The following TECTA variants were observed in gnomAD, a reference collection of about 807,000 sequenced individuals.
TECTA encodes the protein alpha-tectorin.
In TECTA, 128 loss-of-function variants were observed where a neutral mutation model predicts 216.8. That is an observed-to-expected ratio of 0.59 (90% confidence interval 0.51 to 0.68). The LOEUF (loss-of-function observed/expected upper bound fraction) is 0.68, where lower values mean the gene tolerates loss of function less well. TECTA is among the 30% of genes least tolerant of loss of function. TECTA has a pLI of 0.00. For synonymous variants in TECTA, 1,089 were observed against 1,117.1 expected (o/e 0.97, Z 0.50); for missense variants, 2,551 against 2,786.2 (o/e 0.92, Z 1.90).
In TECTA at chr11:121,130,168, T is replaced by G. The variant is rs757251525; in HGVS notation, c.2898T>G (p.Asn966Lys). The G allele has an allele frequency of 1.2e-6, 2 of 1,604,492 alleles. No homozygotes were observed. The highest frequency in any genetic ancestry group is 4.5e-5 in the East Asian group (2 of 44,880). The stretch of plus-strand genomic sequence containing the variant: ...CCCGGTATGCAAGCGCCTGCAAGAA[T>G]GCGGACGTGGAGGTGGGGCCCTGGC... ...SVARYASACK[N>K]ADVEVGPWRT... Residue 966 changes from asparagine (N) to lysine (K), a missense_variant, in exon 10 of 24, where the codon AAT becomes AAG. Physicochemically the swap from Asn to Lys is moderately conservative, Grantham distance 94 (BLOSUM62 0). Transcript: ENST00000392793.
chr11:121,169,489 C>G (rs1947089982), intron 20 of TECTA, among the ~76,000 whole-genome samples: 1 of 152,108 alleles, frequency 6.6e-6, no homozygotes, highest in Admixed American at 6.6e-5. Context: ...CAATAATTAT[C>G]TTTATTAAAA....
In TECTA at chr11:121,125,992, A is replaced by G. The variant is rs1372525823; in HGVS notation, c.1774+120A>G. On this transcript the variant is annotated intron_variant, in intron 8 of 23. Transcript: ENST00000392793. The stretch of plus-strand genomic sequence containing the variant: ...TGACCCAAGAATGAGGGGGAGGTTG[A>G]AATTGCACAAATTACAAAGAACGAA... The G allele has an allele frequency of 5.2e-6, 6 of 1,154,578 alleles. No individual in the cohort carries two copies. The East Asian group carries it at 1.5e-4, about 30-fold the overall frequency. 71.5% of individuals were successfully genotyped at this position (1,154,578 alleles called of 1,614,324 possible).
chr11:121,162,071 C>G lies in TECTA; in HGVS notation c.4977-4C>G. 2 of 1,613,884 alleles carry G rather than the reference C, an allele frequency of 1.2e-6. No homozygotes were observed. Among genetic ancestry groups the G allele is most frequent in the Non-Finnish European group, 1.7e-6 (2 of 1,180,036 alleles). On this transcript the variant is annotated splice_polypyrimidine_tract_variant and splice_region_variant and intron_variant, in intron 15 of 23. Transcript: ENST00000392793. ...GCTGTTTTTGCTTCACTCAGTCTGA[C>G]CAGACCTCTTGCCCCCAGCTGCAAC...
chr11:121,104,046 G>A (rs73599461), intron 2 of TECTA, among the ~76,000 whole-genome samples: 3,259 of 152,094 alleles, frequency 0.021, 118 homozygotes, highest in African/African-American at 0.074. Context: ...AGGCAGATTG[G>A]CCAATCAGTG....
chr11:121,172,994 G>A (rs1467715689), intron 20 of TECTA, among the ~76,000 whole-genome samples: 1 of 150,388 alleles, frequency 6.6e-6, no homozygotes, highest in Non-Finnish European at 1.5e-5. Context: ...CTTCTTTTGA[G>A]AAGTGTCTGT....
chr11:121,189,595 C>A (rs184557801), intron 22 of TECTA, among the ~76,000 whole-genome samples, 169 bp from the exon 23 acceptor site: 1 of 152,086 alleles, frequency 6.6e-6, no homozygotes, highest in Non-Finnish European at 1.5e-5. Flanking sequence ...AGGATGGTCT[C>A]GATCTCCTGA....
In TECTA at chr11:121,113,780, C is replaced by A; in HGVS notation, c.790+62C>A. ...TGTTTAGTGTAGATTGACAGGCAAG[C>A]TTTTAAGCCACGGGGGCGGACTCAT... On this transcript the variant is annotated intron_variant, in intron 6 of 23. Coordinates refer to ENST00000392793, the MANE Select transcript of TECTA (RefSeq NM_005422.4). This position sits in a 1 kb window ranked among gnomAD's most constrained non-coding sequence, Gnocchi z 4.2. The A allele has an allele frequency of 2.5e-6, 4 of 1,601,190 alleles. No homozygotes were observed. The highest frequency in any genetic ancestry group is 3.4e-6 in the Non-Finnish European group (4 of 1,172,864).
At chr11:121,123,168 G>A (rs574140492) in intron 7 of TECTA, among the ~76,000 whole-genome samples, 2 of 152,200 alleles carry the variant, frequency 1.3e-5, no homozygotes, top group South Asian at 4.2e-4. Flanking sequence ...AAGTTTATGT[G>A]CACTTATAGT....
At chr11:121,168,521 C>T in intron 19 of TECTA, 156 bp from the exon 20 acceptor site, 1 of 1,063,824 alleles carries the variant, frequency 9.4e-7, no homozygotes, top group Non-Finnish European at 1.4e-6. Context: ...TGTAAATTGC[C>T]CCATGTGGCT....
At chr11:121,148,681 A>G (rs1946862932) in intron 12 of TECTA, among the ~76,000 whole-genome samples, 1 of 152,218 alleles carries the variant, frequency 6.6e-6, no homozygotes, top group African/African-American at 2.4e-5. Flanking sequence ...GTGCTTTAGG[A>G]GCAAAGGGGT....
intron 14 of TECTA, 66 bp downstream of exon 14, chr11:121,158,290 T>C: frequency 1.9e-6 from 3 of 1,595,436 alleles, no homozygotes; most frequent in Non-Finnish European, 2.6e-6. Flanking sequence ...GGGGACTGTG[T>C]AGGGTTCTCC....
intron 4 of TECTA, among the ~76,000 whole-genome samples, chr11:121,112,709 C>T (rs936048204): frequency 4.6e-5 from 7 of 152,200 alleles, no homozygotes; most frequent in East Asian, 3.9e-4. Context: ...TCCTGGTCCC[C>T]GGCCGAGTCT....
chr11:121,125,262 C>A, intron 7 of TECTA, 40 bp from the exon 8 acceptor site: 1 of 1,594,318 alleles, frequency 6.3e-7, no homozygotes. Context: ...AGTGCCTGGG[C>A]ACCTGCTCAC....
At chr11:121,177,824 G>T (rs1947183977) in intron 20 of TECTA, among the ~76,000 whole-genome samples, 1 of 152,204 alleles carries the variant, frequency 6.6e-6, no homozygotes, top group African/African-American at 2.4e-5. Context: ...GCTGTGGTGG[G>T]CTCCACCCAG....
chr11:121,140,688 T>G lies in TECTA; in HGVS notation c.3543+2666T>G, dbSNP rs142042667. Among the ~76,000 whole-genome samples, 1,278 of 152,298 alleles carry G rather than the reference T, an allele frequency of 8.4e-3. 11 individuals are homozygous for G. The highest frequency in any genetic ancestry group is 0.048 in the Middle Eastern group (14 of 294). ...CCTCTCTCCTAGCTTCTGGCGGCTGTGGGCAATCCTCAATGTTCGTCACCT... is the reference window on the plus strand; with the variant it reads ...CCTCTCTCCTAGCTTCTGGCGGCTGGGGGCAATCCTCAATGTTCGTCACCT... On this transcript the variant is annotated intron_variant, in intron 11 of 23. Transcript: ENST00000392793.
chr11:121,132,743 G>A (rs935200535), intron 10 of TECTA, among the ~76,000 whole-genome samples: 1 of 151,900 alleles, frequency 6.6e-6, no homozygotes, highest in African/African-American at 2.4e-5. Flanking sequence ...TTTTTGAGAT[G>A]GAGTCTCACT....
chr11:121,173,866 C>T (rs1298435441), intron 20 of TECTA, among the ~76,000 whole-genome samples: 63 of 151,904 alleles, frequency 4.1e-4, no homozygotes, highest in East Asian at 9.7e-4. Flanking sequence ...TTTATTTCAT[C>T]GAGCAGTGGT....
Position 121,102,830 on chromosome 11 carries a change from G to C in TECTA, c.64+101G>C, listed in dbSNP as rs1197620060. 5 of 968,138 alleles carry C rather than the reference G, an allele frequency of 5.2e-6. No homozygotes were observed. The African/African-American group carries it at 8.1e-5, about 16-fold the overall frequency. The allele number at this position is 968,138 out of a possible 1,614,324, so 60.0% of individuals were successfully genotyped here. A position where few individuals can be genotyped will look rare whatever the true frequency, so the allele number is the denominator to read the frequency against. ...CACAATTGTAAGGGCAGGTGCATGTGTGTCTACAGATACAAGAGAAAAATG... is the reference window on the plus strand; with the variant it reads ...CACAATTGTAAGGGCAGGTGCATGTCTGTCTACAGATACAAGAGAAAAATG... On this transcript the variant is annotated intron_variant, in intron 2 of 23. Transcript: ENST00000392793.
At chr11:121,143,578 CTGGGAACTCCTAGGGAAAGGCCGTA>C (rs1338877808) in intron 11 of TECTA, among the ~76,000 whole-genome samples, 2 of 152,198 alleles carry the variant, frequency 1.3e-5, no homozygotes, top group Non-Finnish European at 2.9e-5. Flanking sequence ...TGCCATGTGC[CTGGGAACTCCTAGGGAAAGGCCGTA>C]TGTGCTTTAT....
Sources: allele counts gnomAD v4.1 joint callset (sites outside exome capture counted in the v4.1 genomes callset), GRCh38; gene constraint gnomAD v4.1.1; non-coding constraint Gnocchi (gnomAD v3.1); transcripts MANE v1.5; gene names NCBI Gene and HGNC (gene_info 2026-07-23, HGNC 2026-07-21).